Variants in ITGA4 observed in about 807,000 individuals in gnomAD.
ITGA4 encodes integrin alpha-4.
In ITGA4, 63 loss-of-function variants were observed where a neutral mutation model predicts 133.6. The observed-to-expected ratio is 0.47, with a 90% CI of 0.38 to 0.58. The LOEUF is 0.58. Ranked by LOEUF, ITGA4 falls within the 20% of genes least tolerant of loss-of-function variation. ITGA4 has a pLI of 0.00. For synonymous variants in ITGA4, 483 were observed against 438.0 expected, an observed-to-expected ratio of 1.10 and a Z score of -1.28; for missense variants, 1,076 against 1,252.7, an observed-to-expected ratio of 0.86 and a Z score of 2.13.
At chr2:181,472,682 G>T (rs1685583258) in intron 2 of ITGA4, among the ~76,000 whole-genome samples, 1 of 152,084 alleles carries the variant, frequency 6.6e-6, no homozygotes, top group Non-Finnish European at 1.5e-5. Context: ...AAAATGCCTT[G>T]TTTGTCATTC....
intron 24 of ITGA4, among the ~76,000 whole-genome samples, 199 bp from the exon 25 acceptor site, chr2:181,531,458 T>C (rs1304991764): frequency 6.6e-6 from 1 of 152,210 alleles, no homozygotes; most frequent in African/African-American, 2.4e-5. Context: ...TACTTTATTA[T>C]AATTTAGAAA....
rs533750590 is a variant in ITGA4 at position 181,457,668 on chromosome 2, C to T, written c.14C>T (p.Ala5Val). 8.1e-6 allele frequency: 13 copies of T among 1,610,174 alleles called. No individual in the cohort carries two copies. The highest frequency in any genetic ancestry group is 3.3e-5 in the Admixed American group (2 of 59,774). The change falls in exon 1 of 28, where the codon GCG becomes GTG. Residue 5 changes from alanine (A) to valine (V), a missense_variant. By Grantham distance (64) the Ala-to-Val change is moderately conservative. This residue lies in a region of ITGA4 where 82 missense variants were observed against 68.3 expected (regional missense o/e 1.20). Coordinates refer to ENST00000397033, the MANE Select transcript of ITGA4 (RefSeq NM_000885.6). MAWE[A>V]RREPGPRRAA... ...CACCGAGAGCGCATGGCTTGGGAAG[C>T]GAGGCGCGAACCCGGCCCCCGAAGG...
Position 181,523,364 on chromosome 2 carries a change from C to T in ITGA4, c.2074-73C>T. The stretch of plus-strand genomic sequence containing the variant: ...TCTGGGATGATATTCTTTTCAATAA[C>T]CATCCTTAAACATATGTTACAAACT... On this transcript the variant is annotated intron_variant, in intron 18 of 27. Transcript: ENST00000397033. This position sits in a 1 kb window ranked among gnomAD's most constrained non-coding sequence, Gnocchi z 4.2. 1.2e-6 allele frequency: 1 copy of T among 829,088 alleles called. No individual in the cohort carries two copies. The highest frequency in any genetic ancestry group is 2.1e-6 in the Non-Finnish European group (1 of 485,296). The allele number at this position is 829,088 out of a possible 1,614,324, so 51.4% of individuals were successfully genotyped here.
At chr2:181,517,344 C>A (rs1686626233) in intron 17 of ITGA4, among the ~76,000 whole-genome samples, 1 of 151,950 alleles carries the variant, frequency 6.6e-6, no homozygotes, top group South Asian at 2.1e-4. Flanking sequence ...ACTTGGGGAG[C>A]ATTTCTTGCA....
intron 10 of ITGA4, among the ~76,000 whole-genome samples, chr2:181,489,814 C>T (rs1686004692): frequency 2.0e-5 from 3 of 152,186 alleles, no homozygotes; most frequent in African/African-American, 7.2e-5. Context: ...ACCTCTTTCC[C>T]TTCTGAGTCT....
At chr2:181,475,571 G>A (rs1220768285) in intron 4 of ITGA4, among the ~76,000 whole-genome samples, 2 of 152,148 alleles carry the variant, frequency 1.3e-5, no homozygotes, top group African/African-American at 4.8e-5. Context: ...GTATAGGTGA[G>A]ACTAGTACCC....
intron 10 of ITGA4, among the ~76,000 whole-genome samples, chr2:181,491,854 T>G (rs1255306242): frequency 1.3e-5 from 2 of 152,226 alleles, no homozygotes; most frequent in Admixed American, 6.5e-5. Context: ...CCAAACCAAT[T>G]GCCATTCTTC....
At chr2:181,490,519 GTGTGTGTC>G (rs1225458142) in intron 10 of ITGA4, among the ~76,000 whole-genome samples, 6 of 125,036 alleles carry the variant, frequency 4.8e-5, no homozygotes, top group Admixed American at 1.8e-4. Flanking sequence ...GTGTGTGTGT[GTGTGTGTC>G]TGTGTGTGTG....
At position 181,535,420 on chromosome 2, in the gene ITGA4, T is replaced by C; in HGVS notation, c.3004-12T>C. ...TAACTATACACTAGTGATTATGTTA[T>C]GCTATTTTCAGGCTGGCTTCTTTAA... is the stretch of plus-strand genomic sequence containing the variant. On this transcript the variant is annotated splice_polypyrimidine_tract_variant and intron_variant, in intron 27 of 27. Coordinates refer to ENST00000397033, the MANE Select transcript of ITGA4 (RefSeq NM_000885.6). The C allele has an allele frequency of 1.3e-6, 2 of 1,590,124 alleles. No homozygotes were observed. The highest frequency in any genetic ancestry group is 1.7e-6 in the Non-Finnish European group (2 of 1,165,538).
In ITGA4 at chr2:181,531,764, C is replaced by G. The variant is rs1441288108; in HGVS notation, c.2772C>G (p.Ser924=). The change falls in exon 25 of 28, where the codon TCC becomes TCG. Residue 924 remains serine (S), a synonymous_variant. Transcript: ENST00000397033. The part of the protein sequence containing the change: ...SVHIQLEGRP[S]ILEMDETSAL... ...ATATCCAACTGGAAGGCCGGCCATC[C>G]ATTTTAGAAATGGTAAGTAAGTCTA... 1 of 1,596,392 alleles carries G rather than the reference C, an allele frequency of 6.3e-7. No individual in the cohort carries two copies. Among genetic ancestry groups the G allele is most frequent in the African/African-American group, 1.4e-5 (1 of 73,798 alleles).
intron 2 of ITGA4, among the ~76,000 whole-genome samples, chr2:181,464,889 G>C (rs979123296): frequency 6.6e-6 from 1 of 152,094 alleles, no homozygotes; most frequent in Non-Finnish European, 1.5e-5. Context: ...ACATACAGGT[G>C]ACAGGTCTGG....
rs1268229417 is a variant in ITGA4 at position 181,495,872 on chromosome 2, C to A, written c.1475C>A (p.Pro492His). 6.2e-7 allele frequency: 1 copy of A among 1,613,984 alleles called. No homozygotes were observed. The highest frequency in any genetic ancestry group is 8.5e-7 in the Non-Finnish European group (1 of 1,179,904). ...TTTGACTGTGTTGAAAATGGATGGC[C>A]TTCTGTGTGCATAGATCTAACACTT... The part of the protein sequence containing the change: ...TKFDCVENGW[P>H]SVCIDLTLCF... The change falls in exon 14 of 28, where the codon CCT becomes CAT. Residue 492 changes from proline (P) to histidine (H), a missense_variant. Transcript: ENST00000397033. This position sits in a 1 kb window ranked among gnomAD's most constrained non-coding sequence, Gnocchi z 4.3.
intron 27 of ITGA4, 22 bp downstream of exon 27, chr2:181,534,957 A>G: frequency 6.5e-7 from 1 of 1,537,056 alleles, no homozygotes; most frequent in Non-Finnish European, 8.7e-7. Context: ...ACAATTACCA[A>G]CATTAGTCTA....
chr2:181,502,142 T>C (rs1323364315), intron 15 of ITGA4, among the ~76,000 whole-genome samples: 1 of 151,948 alleles, frequency 6.6e-6, no homozygotes, highest in Non-Finnish European at 1.5e-5. Context: ...TGCAGCTTGA[T>C]CAAATAAGAT....
At chr2:181,457,343 T>C, upstream of ITGA4, 1 of 313,598 alleles carries the variant, frequency 3.2e-6, no homozygotes, top group South Asian at 3.5e-5. Flanking sequence ...GCCCTGCGCC[T>C]CCGCACCACG....
chr2:181,461,357 C>T (rs971522820), intron 2 of ITGA4, among the ~76,000 whole-genome samples: 25 of 151,516 alleles, frequency 1.6e-4, no homozygotes, highest in African/African-American at 4.9e-4. Context: ...ACCTCCCTGA[C>T]TCCCCAAGAG....
At chr2:181,480,501 C>T (rs914239850) in intron 6 of ITGA4, among the ~76,000 whole-genome samples, 2 of 151,966 alleles carry the variant, frequency 1.3e-5, no homozygotes, top group Admixed American at 6.6e-5. Flanking sequence ...TAATAGAACT[C>T]CTAGTTTAGT....
Position 181,495,855 on chromosome 2 carries a change from T to C in ITGA4, c.1458T>C (p.Cys486=). ...PESVNRTKFD[C]VENGWPSVCI... The stretch of plus-strand genomic sequence containing the variant: ...CAGTAAATAGAACGAAATTTGACTG[T>C]GTTGAAAATGGATGGCCTTCTGTGT... The change falls in exon 14 of 28, where the codon TGT becomes TGC. Residue 486 remains cysteine (C), a synonymous_variant. Transcript: ENST00000397033. The surrounding 1 kb of genome is among the most constrained non-coding windows in gnomAD (Gnocchi z 4.3). 1 of 1,613,956 alleles carries C rather than the reference T, an allele frequency of 6.2e-7. No individual in the cohort carries two copies. The highest frequency in any genetic ancestry group is 8.5e-7 in the Non-Finnish European group (1 of 1,179,844).
rs76731058 is a variant in ITGA4, at chr2:181,520,609, A to G, written c.1923-1582A>G. ...TTAGGTTCAATCATGACATTTTCAG[A>G]CTTAAAATTTCTTGAGGCAGCCAAT... On this transcript the variant is annotated intron_variant, in intron 17 of 27. Coordinates refer to ENST00000397033, the MANE Select transcript of ITGA4 (RefSeq NM_000885.6). Among the ~76,000 whole-genome samples, 190 of 152,240 alleles carry G rather than the reference A, an allele frequency of 1.2e-3. 1 individual carries two copies. The highest frequency in any genetic ancestry group is 4.2e-3 in the African/African-American group (176 of 41,556).
Sources: gnomAD v4.1 joint callset for allele counts (sites outside exome capture counted in the v4.1 genomes callset) on GRCh38, gnomAD v4.1.1 for gene constraint, gnomAD v4.1.1 regional missense constraint, Gnocchi (gnomAD v3.1) non-coding constraint, MANE v1.5 for transcripts, NCBI Gene and HGNC (gene_info 2026-07-23, HGNC 2026-07-21) for gene names.